The following RAI1 variants were observed in gnomAD, a reference collection of about 807,000 sequenced individuals.
RAI1 encodes retinoic acid induced 1.
A neutral mutation model predicts 123.8 loss-of-function variants in RAI1; 9 were observed. The observed-to-expected ratio is 0.07, with a 90% CI of 0.04 to 0.13. The LOEUF (loss-of-function observed/expected upper bound fraction) is 0.13. RAI1 is among the 10% of genes least tolerant of loss of function. The pLI is 1.00. For synonymous variants in RAI1, 1,231 were observed against 1,127.3 expected, an observed-to-expected ratio of 1.09 and a Z score of -1.84; for missense variants, 2,256 against 2,545.8, an observed-to-expected ratio of 0.89 and a Z score of 2.45.
chr17:17,751,775 C>G (rs2030181401), intron 2 of RAI1, among the ~76,000 whole-genome samples: 1 of 152,164 alleles, frequency 6.6e-6, no homozygotes, highest in African/African-American at 2.4e-5. Flanking sequence ...ATGAGGCCTG[C>G]CAGACCACCT....
chr17:17,776,302 C>T (rs950795325), intron 2 of RAI1, among the ~76,000 whole-genome samples: 2 of 152,184 alleles, frequency 1.3e-5, no homozygotes, highest in Admixed American at 1.3e-4. Flanking sequence ...GTTTTTAAAT[C>T]TTTTAGGAGT....
At chr17:17,770,956 C>A (rs2031135407) in intron 2 of RAI1, 1 of 152,200 alleles carries the variant, frequency 6.6e-6, no homozygotes, top group Non-Finnish European at 1.5e-5. Context: ...GGACCCAGGG[C>A]CTGGGATACT....
intron 2 of RAI1, among the ~76,000 whole-genome samples, chr17:17,774,650 C>T (rs900506750): frequency 2.6e-5 from 4 of 152,254 alleles, no homozygotes; most frequent in South Asian, 2.1e-4. Flanking sequence ...CCTGTCTTCC[C>T]GGCCGCACCT....
chr17:17,688,407 C>G (rs944788276), intron 1 of RAI1, among the ~76,000 whole-genome samples: 9 of 151,882 alleles, frequency 5.9e-5, no homozygotes, highest in South Asian at 2.1e-4. Flanking sequence ...TCACTTGAAC[C>G]CCGGGGGGTG....
chr17:17,720,138 C>G (rs913217391), intron 1 of RAI1, among the ~76,000 whole-genome samples: 10 of 152,308 alleles, frequency 6.6e-5, no homozygotes, highest in African/African-American at 7.2e-5. Context: ...CTTAGAGTCC[C>G]CAGCCCTCTA....
intron 2 of RAI1, among the ~76,000 whole-genome samples, chr17:17,786,498 G>T (rs2031831971): frequency 6.6e-6 from 1 of 152,192 alleles, no homozygotes; most frequent in African/African-American, 2.4e-5. Flanking sequence ...GGGTGCAAGG[G>T]GTGCTGTTTC....
chr17:17,716,997 G>T (rs1387036217), intron 1 of RAI1, among the ~76,000 whole-genome samples: 1 of 152,230 alleles, frequency 6.6e-6, no homozygotes, highest in African/African-American at 2.4e-5. Flanking sequence ...TAAGAGGTCC[G>T]TCTATAGCAG....
chr17:17,765,400 T>A (rs1482775102), intron 2 of RAI1, among the ~76,000 whole-genome samples: 2 of 152,152 alleles, frequency 1.3e-5, no homozygotes, highest in African/African-American at 4.8e-5. Context: ...TCCAGAAACA[T>A]CCCCAGCGTG....
rs531279392 is a variant in RAI1 at position 17,725,428 on chromosome 17, G to T, written c.-17+1269G>T. ...GGGCCGGGAGGAGAGGAGGATGAAG[G>T]GGGAGGAGAGTGGTGGGAACTTCTC... On this transcript the variant is annotated intron_variant, in intron 2 of 5. Coordinates refer to ENST00000353383, the MANE Select transcript of RAI1 (RefSeq NM_030665.4). Among the ~76,000 whole-genome samples the T allele has an allele frequency of 7.2e-5, 11 of 152,276 alleles. No homozygotes were observed. In the South Asian group the frequency reaches 1.7e-3, roughly 23 times the overall value.
At chr17:17,773,516 T>G (rs1188044019) in intron 2 of RAI1, among the ~76,000 whole-genome samples, 1 of 152,156 alleles carries the variant, frequency 6.6e-6, no homozygotes, top group Admixed American at 6.5e-5. Context: ...CACCAGGAAA[T>G]TCCCTTTGCC....
Position 17,793,854 on chromosome 17 carries a change from C to G in RAI1, c.906C>G (p.Thr302=), listed in dbSNP as rs1434616150. Residue 302 remains threonine, a synonymous_variant, in exon 3 of 6, where the codon ACC becomes ACG. Coordinates refer to ENST00000353383, the MANE Select transcript of RAI1 (RefSeq NM_030665.4). ...AGAGCCGGCACCATGCCCAGGAAAC[C>G]CTCCATTACCAAAACCTCGCCAAGT... ...ALQSRHHAQE[T]LHYQNLAKYQ... is the part of the protein sequence containing the mutation. The G allele has an allele frequency of 1.2e-6, 2 of 1,613,448 alleles. No individual in the cohort carries two copies. Among genetic ancestry groups the G allele is most frequent in the Admixed American group, 1.7e-5 (1 of 60,024 alleles).
intron 2 of RAI1, among the ~76,000 whole-genome samples, chr17:17,791,018 G>A (rs1428897442): frequency 1.3e-5 from 2 of 152,262 alleles, no homozygotes; most frequent in African/African-American, 4.8e-5. Flanking sequence ...AAGTGGGTCA[G>A]AAGGGTGGGC....
chr17:17,734,534 TC>T, intron 2 of RAI1, among the ~76,000 whole-genome samples: 1 of 152,304 alleles, frequency 6.6e-6, no homozygotes, highest in South Asian at 2.1e-4. Flanking sequence ...GTACTTATCC[TC>T]CCGTGGGAGC....
intron 1 of RAI1, among the ~76,000 whole-genome samples, chr17:17,694,770 G>C (rs1914958664): frequency 6.7e-6 from 1 of 149,900 alleles, no homozygotes; most frequent in Admixed American, 6.6e-5. Context: ...GCGAGGCGGG[G>C]CGGGCCGCTC....
intron 2 of RAI1, among the ~76,000 whole-genome samples, chr17:17,763,522 G>A (rs749893478): frequency 3.3e-5 from 5 of 152,224 alleles, no homozygotes; most frequent in African/African-American, 7.2e-5. Context: ...GCCAAAAGAC[G>A]GGGCCAGCCC....
Position 17,793,976 on chromosome 17 carries a change from G to C in RAI1, c.1028G>C (p.Ser343Thr). Residue 343 changes from serine (S) to threonine (T), a missense_variant, in exon 3 of 6, where the codon AGC becomes ACC. By Grantham distance (58) the Ser-to-Thr change is moderately conservative (BLOSUM62 1). Coordinates refer to ENST00000353383, the MANE Select transcript of RAI1 (RefSeq NM_030665.4). ...TACCAGACCTTCAGCCCCAGCTCCA[G>C]CCACTCACCCGCCCGCTCCGTGGGC... is the stretch of plus-strand genomic sequence containing the variant. ...QYYQTFSPSSSHSPARSVGRS... is the reference protein window; with the variant it reads ...QYYQTFSPSSTHSPARSVGRS... 6.2e-7 allele frequency: 1 copy of C among 1,613,948 alleles called. No individual in the cohort carries two copies. Among genetic ancestry groups the C allele is most frequent in the Middle Eastern group, 1.6e-4 (1 of 6,062 alleles).
chr17:17,772,542 C>T (rs950092377), intron 2 of RAI1, among the ~76,000 whole-genome samples: 2 of 152,244 alleles, frequency 1.3e-5, no homozygotes, highest in Non-Finnish European at 2.9e-5. Context: ...CCACACACCA[C>T]GTGGACCCTG....
intron 2 of RAI1, among the ~76,000 whole-genome samples, chr17:17,740,737 T>C (rs1210763172): frequency 6.6e-6 from 1 of 152,100 alleles, no homozygotes; most frequent in East Asian, 1.9e-4. Flanking sequence ...GACAATGCTA[T>C]TTTTCATATT....
At chr17:17,749,112 A>G (rs1426665382) in intron 2 of RAI1, among the ~76,000 whole-genome samples, 2 of 152,198 alleles carry the variant, frequency 1.3e-5, no homozygotes, top group Non-Finnish European at 2.9e-5. Context: ...CCGTCCAGAA[A>G]GAGGCTGAAT....
Sources: allele counts gnomAD v4.1 joint callset (sites outside exome capture counted in the v4.1 genomes callset), GRCh38; gene constraint gnomAD v4.1.1; transcripts MANE v1.5; gene names NCBI Gene and HGNC (gene_info 2026-07-23, HGNC 2026-07-21).